The following SPTBN5 variants were observed in gnomAD, a reference collection of about 807,000 sequenced individuals.
SPTBN5 encodes the protein spectrin beta, non-erythrocytic 5.
In SPTBN5, 513 loss-of-function variants were observed where a neutral mutation model predicts 477.6. The observed-to-expected ratio is 1.07, with a 90% confidence interval of 1.00 to 1.16. The LOEUF (loss-of-function observed/expected upper bound fraction) is 1.16, where lower values mean the gene tolerates loss of function less well. SPTBN5 is among the 50% of genes most tolerant of loss of function. The pLI is 0.00. For synonymous variants in SPTBN5, 2,169 were observed against 2,011.7 expected (o/e 1.08, Z -2.09); for missense variants, 5,062 against 4,731.8 (o/e 1.07, Z -2.05).
Position 41,873,584 on chromosome 15 carries a change from C to G in SPTBN5, c.4915G>C (p.Glu1639Gln). Residue 1639 changes from glutamate to glutamine, a missense_variant, in exon 26 of 68, where the codon GAG (glutamate) becomes CAG (glutamine). Coordinates refer to ENST00000320955, the MANE Select transcript of SPTBN5 (RefSeq NM_016642.4). The part of the protein sequence containing the change: ...QQYFLDVSEL[E>Q]GWVEEKRPLV... ...GGCCGCTTCTCCTCCACCCAGCCCT[C>G]CAGCTCTGACACATCCAGAAAGTAC... is the stretch of plus-strand genomic sequence containing the variant. 1.3e-6 allele frequency: 2 copies of G among 1,552,158 alleles called. No homozygotes were observed. Among genetic ancestry groups the G allele is most frequent in the African/African-American group, 2.7e-5 (2 of 73,156 alleles).
chr15:41,859,559 G>A lies in SPTBN5; in HGVS notation c.7989-579C>T, dbSNP rs539372499. Among the ~76,000 whole-genome samples, 5 of 152,310 alleles carry A rather than the reference G, an allele frequency of 3.3e-5. No homozygotes were observed. In the East Asian group the frequency reaches 9.6e-4, roughly 29 times the overall value. The stretch of plus-strand genomic sequence containing the variant: ...TAAGTGAAAATGAGGTCATATGGGT[G>A]GGTCCTAATCCAGTGTGACCTTATG... On this transcript the variant is annotated intron_variant, in intron 47 of 67. Coordinates refer to ENST00000320955, the MANE Select transcript of SPTBN5 (RefSeq NM_016642.4).
At chr15:41,877,517 T>A (rs1348561765) in intron 17 of SPTBN5, among the ~76,000 whole-genome samples, 161 bp from the exon 18 acceptor site, 1 of 152,222 alleles carries the variant, frequency 6.6e-6, no homozygotes, top group Non-Finnish European at 1.5e-5. Flanking sequence ...CAATCCCCCA[T>A]CGGCTCCAGC....
At chr15:41,886,514 A>G in intron 6 of SPTBN5, 148 bp from the exon 7 acceptor site, 1 of 943,934 alleles carries the variant, frequency 1.1e-6, no homozygotes, top group Non-Finnish European at 1.5e-6. Flanking sequence ...CACCCCAGAG[A>G]ACTGGGTTTG....
chr15:41,858,906 A>C lies in SPTBN5; in HGVS notation c.8063T>G (p.Leu2688Arg). Residue 2688 changes from leucine (L) to arginine (R), a missense_variant, in exon 48 of 68, where the codon CTG becomes CGG. Leu to Arg is a moderately radical substitution (Grantham distance 102). Coordinates refer to ENST00000320955, the MANE Select transcript of SPTBN5 (RefSeq NM_016642.4). ...GAGGCGAACCTCCTGGGAGTCCTGC[A>C]GGAAGGCCTGCAGCTGCCGGAGCTC... is the stretch of plus-strand genomic sequence containing the variant. ...LEELRQLQAF[L>R]QDSQEVAAWL... The C allele has an allele frequency of 6.3e-7, 1 of 1,592,170 alleles. No homozygotes were observed. The highest frequency in any genetic ancestry group is 1.3e-5 in the African/African-American group (1 of 74,452).
chr15:41,851,979 C>T, intron 62 of SPTBN5, 129 bp from the exon 63 acceptor site: 2 of 938,822 alleles, frequency 2.1e-6, no homozygotes, highest in Non-Finnish European at 3.2e-6. Context: ...CCCTGCTTAG[C>T]TTCTAAGATC....
intron 1 of SPTBN5, 102 bp downstream of exon 1, chr15:41,893,797 G>C: frequency 4.0e-6 from 2 of 504,502 alleles, no homozygotes; most frequent in South Asian, 5.7e-5. Context: ...GACTGGGACA[G>C]GTGGAAGGAA....
Position 41,877,284 on chromosome 15 carries a change from G to C in SPTBN5, c.3543C>G (p.Asn1181Lys). ...CCTGCTGCCCCAGGACCCTCAGAGT[G>C]TTGGGCACCTCTTGGGAGTCTGGGC... ...LDCPDSQEVP[N>K]TLRVLGQQGQ... Residue 1181 changes from asparagine to lysine, a missense_variant, in exon 18 of 68, where the codon AAC becomes AAG. By Grantham distance (94) the Asn-to-Lys change is moderately conservative. Transcript: ENST00000320955. The C allele has an allele frequency of 6.2e-7, 1 of 1,613,696 alleles. No homozygotes were observed. The highest frequency in any genetic ancestry group is 8.5e-7 in the Non-Finnish European group (1 of 1,179,798).
At position 41,878,522 on chromosome 15, in the gene SPTBN5, C is replaced by A. The variant is rs761524784; in HGVS notation, c.3290G>T (p.Arg1097Leu). Residue 1097 changes from arginine to leucine, a missense_variant, in exon 17 of 68, where the codon CGC becomes CTC. By Grantham distance (102) the Arg-to-Leu change is moderately radical. Transcript: ENST00000320955. ...CTGCCGGGCCTGAGTCTCAGCCTGG[C>A]GCCGGGCCCGTTGGGCCACTTGTTC... Reference protein sequence around the residue: ...VQEQVAQRARRQAETQARQSF... With the variant: ...VQEQVAQRARLQAETQARQSF... The A allele has an allele frequency of 1.2e-6, 2 of 1,612,958 alleles. No homozygotes were observed. Among genetic ancestry groups the A allele is most frequent in the Non-Finnish European group, 1.7e-6 (2 of 1,179,686 alleles).
At position 41,873,829 on chromosome 15, in the gene SPTBN5, C is replaced by T; in HGVS notation, c.4890+16G>A. ...ACTTCTGCCTCTTCCCCCAACCCCA[C>T]CTCTCTGCATCCTACCTGCTGGAAA... On this transcript the variant is annotated intron_variant, in intron 25 of 67. Coordinates refer to ENST00000320955, the MANE Select transcript of SPTBN5 (RefSeq NM_016642.4). 2 of 1,608,500 alleles carry T rather than the reference C, an allele frequency of 1.2e-6. No individual in the cohort carries two copies. The highest frequency in any genetic ancestry group is 1.3e-5 in the African/African-American group (1 of 75,074).
chr15:41,893,910 C>T lies in SPTBN5; in HGVS notation c.-61G>A. 2 of 239,888 alleles carry T rather than the reference C, an allele frequency of 8.3e-6. No homozygotes were observed. Among genetic ancestry groups the T allele is most frequent in the Non-Finnish European group, 1.7e-5 (2 of 121,212 alleles). 14.9% of individuals were successfully genotyped at this position (239,888 alleles called of 1,614,324 possible). A position where few individuals can be genotyped will look rare whatever the true frequency, so the allele number is the denominator to read the frequency against. The stretch of plus-strand genomic sequence containing the variant: ...CAGGGGCTGCTTACCTTGGTGATGC[C>T]TGGGTTCCACAGAGGCGGCCCAGCT... On this transcript the variant is annotated 5_prime_UTR_variant, in exon 1 of 68. Coordinates refer to ENST00000320955, the MANE Select transcript of SPTBN5 (RefSeq NM_016642.4).
At chr15:41,870,154 G>T in intron 31 of SPTBN5, 89 bp downstream of exon 31, 2 of 1,478,152 alleles carry the variant, frequency 1.4e-6, no homozygotes, top group South Asian at 1.3e-5. Context: ...GGGAGGCCCT[G>T]AGGGACAGTG....
At chr15:41,853,823 C>A (rs563567553) in intron 57 of SPTBN5, 36 bp from the exon 58 acceptor site, 9 of 1,515,900 alleles carry the variant, frequency 5.9e-6, no homozygotes, top group Non-Finnish European at 7.1e-6. Flanking sequence ...CTCAGTCCCC[C>A]CACTGAGCCG....
chr15:41,854,592 C>T (rs1737654182), intron 56 of SPTBN5, among the ~76,000 whole-genome samples, 190 bp downstream of exon 56: 1 of 151,502 alleles, frequency 6.6e-6, no homozygotes, highest in South Asian at 2.1e-4. Flanking sequence ...CCAGGACCTA[C>T]AGAGATGGAA....
At chr15:41,860,240 A>G (rs1244494680) in intron 47 of SPTBN5, among the ~76,000 whole-genome samples, 2 of 152,224 alleles carry the variant, frequency 1.3e-5, no homozygotes, top group African/African-American at 4.8e-5. Flanking sequence ...ACAGGGACTC[A>G]GGACTGTGAC....
rs767358905 is a variant in SPTBN5 at position 41,871,794 on chromosome 15, G to A, written c.5289C>T (p.Pro1763=). ...AKGGESLGED[P]EHALHLCTKF... Reference sequence around the variant, plus strand: ...GCCCTCTTCTCACCAGGGCGTGCTCGGGGTCCTCTCCCAGGCTCTCCCCTC... The same window carrying A: ...GCCCTCTTCTCACCAGGGCGTGCTCAGGGTCCTCTCCCAGGCTCTCCCCTC... Residue 1763 remains proline, a synonymous_variant, in exon 28 of 68, where the codon CCC becomes CCT. Transcript: ENST00000320955. 36 of 1,588,392 alleles carry A rather than the reference G, an allele frequency of 2.3e-5. No homozygotes were observed. Among genetic ancestry groups the A allele is most frequent in the South Asian group, 1.2e-4 (10 of 86,668 alleles).
At chr15:41,856,129 G>A (rs1031823467) in intron 53 of SPTBN5, among the ~76,000 whole-genome samples, 7 of 152,200 alleles carry the variant, frequency 4.6e-5, no homozygotes, top group Non-Finnish European at 8.8e-5. Flanking sequence ...AGGTATAATC[G>A]TTCAAGTGAA....
intron 29 of SPTBN5, 41 bp from the exon 30 acceptor site, chr15:41,870,601 C>T (rs367879658): frequency 2.0e-4 from 308 of 1,540,984 alleles, no homozygotes; most frequent in Admixed American, 1.3e-3. Flanking sequence ...GATCAGCTGC[C>T]GGGCCGTGTC....
At chr15:41,866,824 G>A (rs1271884362) in intron 36 of SPTBN5, 135 bp downstream of exon 36, 15 of 1,195,850 alleles carry the variant, frequency 1.3e-5, no homozygotes, top group Non-Finnish European at 1.4e-5. Context: ...CCATGTTCTG[G>A]GCTCCAGCAC....
intron 40 of SPTBN5, 24 bp downstream of exon 40, chr15:41,863,885 G>A: frequency 6.2e-7 from 1 of 1,613,318 alleles, no homozygotes. Flanking sequence ...CCGGCCCTTT[G>A]GTTCTCCCCA....
Sources: allele counts gnomAD v4.1 joint callset (sites outside exome capture counted in the v4.1 genomes callset), GRCh38; gene constraint gnomAD v4.1.1; transcripts MANE v1.5; gene names NCBI Gene and HGNC (gene_info 2026-07-23, HGNC 2026-07-21).